The following HELQ variants were observed in gnomAD, a reference collection of about 807,000 sequenced individuals.
HELQ encodes the protein helicase, POLQ like, also known as helicase POLQ-like.
HELQ carries 77 observed loss-of-function variants against 111.6 expected under a neutral mutation model. The ratio of observed to expected loss-of-function variants is 0.69; its 90% CI spans 0.57 to 0.83. The LOEUF is 0.83. Ranked by LOEUF, HELQ falls within the 40% of genes least tolerant of loss-of-function variation. HELQ has a pLI of 0.00. For missense variants in HELQ, 1,200 were observed against 1,288.5 expected (o/e 0.93, Z 1.05); for synonymous variants, 438 against 454.7 (o/e 0.96, Z 0.47).
At chr4:83,438,593 T>A (rs891258641) in intron 8 of HELQ, among the ~76,000 whole-genome samples, 6 of 151,366 alleles carry the variant, frequency 4.0e-5, no homozygotes, top group Admixed American at 3.9e-4. Context: ...TTACAAAAAA[T>A]TAGTTGGGAG....
Position 83,451,535 on chromosome 4 carries a change from G to C in HELQ, c.1012+1696C>G, listed in dbSNP as rs530069214. Among the ~76,000 whole-genome samples, 275 of 152,094 alleles carry C rather than the reference G, an allele frequency of 1.8e-3. 1 individual carries two copies. Among genetic ancestry groups the C allele is most frequent in the Non-Finnish European group, 3.0e-3 (203 of 67,986 alleles). ...AAAAAAATTAGCCGGGCGTGGTGGC[G>C]GGCGCCTGTAGTCCCAGCTACTGGG... On this transcript the variant is annotated intron_variant, in intron 2 of 17. Coordinates refer to ENST00000295488, the MANE Select transcript of HELQ (RefSeq NM_133636.5).
intron 5 of HELQ, 38 bp downstream of exon 5, chr4:83,445,976 A>G: frequency 7.8e-7 from 1 of 1,278,250 alleles, no homozygotes; most frequent in Non-Finnish European, 1.1e-6. Flanking sequence ...TCTCTTGATT[A>G]TAAATCAATT....
chr4:83,446,769 A>T, intron 4 of HELQ, 66 bp downstream of exon 4: 1 of 992,632 alleles, frequency 1.0e-6, no homozygotes, highest in Non-Finnish European at 1.5e-6. Flanking sequence ...AGATCCACAC[A>T]ATAACCAGAA....
chr4:83,453,423 T>C lies in HELQ; in HGVS notation c.820A>G (p.Thr274Ala). The C allele has an allele frequency of 6.2e-7, 1 of 1,603,020 alleles. No homozygotes were observed. The highest frequency in any genetic ancestry group is 8.5e-7 in the Non-Finnish European group (1 of 1,176,502). ...SIKDHLKNAM[T>A]GNAKAQTPIF... ...GGTGTCTGGGCCTTCGCATTTCCAG[T>C]CATGGCATTTTTTAGATGATCTTTA... is the stretch of plus-strand genomic sequence containing the variant. The change falls in exon 2 of 18, where the codon ACT (threonine) becomes GCT (alanine). Residue 274 changes from threonine to alanine, a missense_variant. Coordinates refer to ENST00000295488, the MANE Select transcript of HELQ (RefSeq NM_133636.5).
intron 7 of HELQ, among the ~76,000 whole-genome samples, chr4:83,440,423 TAA>T (rs1720702567): frequency 6.6e-6 from 1 of 152,148 alleles, no homozygotes; most frequent in Non-Finnish European, 1.5e-5. Flanking sequence ...TTACAACCAT[TAA>T]GTTTTCAAAA....
chr4:83,446,653 CTT>C (rs1158831618), intron 4 of HELQ, among the ~76,000 whole-genome samples, 180 bp downstream of exon 4: 1 of 152,164 alleles, frequency 6.6e-6, no homozygotes, highest in Non-Finnish European at 1.5e-5. Flanking sequence ...TCAAGAAACA[CTT>C]GACACAAAAC....
At chr4:83,441,732 G>A (rs1295914801) in intron 6 of HELQ, among the ~76,000 whole-genome samples, 4 of 149,190 alleles carry the variant, frequency 2.7e-5, no homozygotes, top group East Asian at 3.9e-4. Flanking sequence ...TTTTACTAAG[G>A]TATCATCTGT....
rs780495101 is a variant in HELQ at position 83,455,487 on chromosome 4, TGA to T, written c.205_206del (p.Ser69ArgfsTer12). 1.9e-6 allele frequency: 3 copies of T among 1,614,214 alleles called. No homozygotes were observed. The highest frequency in any genetic ancestry group is 2.2e-5 in the East Asian group (1 of 44,882). ...CAAGGACGAGACATTCCGGGGAATC[TGA>T]GAGTAGAAGGGGCTGTACCTCAACC... ...LPVEVQPLLLSDSPECLVLGG... is the reference protein window; with the variant it reads ...LPVEVQPLLLXDSPECLVLGG... On this transcript the variant is annotated frameshift_variant, in exon 1 of 18. Coordinates refer to ENST00000295488, the MANE Select transcript of HELQ (RefSeq NM_133636.5). LOFTEE classifies it high-confidence loss of function.
chr4:83,451,938 G>C (rs1254351492), intron 2 of HELQ, among the ~76,000 whole-genome samples: 2 of 152,144 alleles, frequency 1.3e-5, no homozygotes, highest in Non-Finnish European at 2.9e-5. Context: ...TTCTCTGCAA[G>C]AACCCAAGTT....
intron 8 of HELQ, among the ~76,000 whole-genome samples, chr4:83,438,856 C>A (rs1720607768): frequency 6.6e-6 from 1 of 151,916 alleles, no homozygotes; most frequent in Non-Finnish European, 1.5e-5. Flanking sequence ...CCAGTTGTTC[C>A]TGTCCTTGGC....
chr4:83,423,430 A>C (rs956098656), intron 14 of HELQ, among the ~76,000 whole-genome samples: 2 of 152,230 alleles, frequency 1.3e-5, no homozygotes, highest in Non-Finnish European at 2.9e-5. Flanking sequence ...AAAAGCATTA[A>C]GCTGAAAAAG....
chr4:83,441,514 T>C (rs777885849), intron 6 of HELQ, 111 bp from the exon 7 acceptor site: 33 of 552,406 alleles, frequency 6.0e-5, no homozygotes, highest in Admixed American at 3.2e-4. Flanking sequence ...AGTTTAGCTT[T>C]TCTAAGATAC....
intron 1 of HELQ, 138 bp from the exon 2 acceptor site, chr4:83,454,083 A>C (rs1040760444): frequency 7.7e-6 from 5 of 646,894 alleles, no homozygotes; most frequent in Non-Finnish European, 1.4e-5. Context: ...ATGCTCCTGT[A>C]ATCCCAGCTA....
intron 13 of HELQ, 73 bp from the exon 14 acceptor site, chr4:83,426,165 T>A (rs1719838495): frequency 1.3e-6 from 1 of 750,782 alleles, no homozygotes; most frequent in East Asian, 2.5e-5. Context: ...GTATTTCTTT[T>A]GATATCACAT....
chr4:83,426,003 G>A lies in HELQ; in HGVS notation c.2766C>T (p.Ala922=), dbSNP rs747635107. ...SFIGKKASGQ[A]IGKKVDKNVV... is the part of the protein sequence containing the mutation. ...AAAAAGAATGTGGTACCTTTCCGAT[G>A]GCTTGGCCTGATGCTTTCTTCCCAA... The change falls in exon 14 of 18, where the codon GCC becomes GCT. Residue 922 remains alanine, a synonymous_variant. Coordinates refer to ENST00000295488, the MANE Select transcript of HELQ (RefSeq NM_133636.5). 6.3e-7 allele frequency: 1 copy of A among 1,581,536 alleles called. No homozygotes were observed.
chr4:83,428,455 C>T (rs1052965120), intron 12 of HELQ, among the ~76,000 whole-genome samples: 20 of 151,932 alleles, frequency 1.3e-4, no homozygotes, highest in African/African-American at 4.8e-4. Context: ...CAGCTACTTG[C>T]GGGGCTGAGG....
At chr4:83,430,929 C>T (rs1720108157) in intron 11 of HELQ, among the ~76,000 whole-genome samples, 1 of 152,104 alleles carries the variant, frequency 6.6e-6, no homozygotes, top group African/African-American at 2.4e-5. Flanking sequence ...CCTCTATCTA[C>T]CATCATGTTA....
chr4:83,410,141 A>C (rs923732141), intron 17 of HELQ, among the ~76,000 whole-genome samples: 8 of 152,218 alleles, frequency 5.3e-5, no homozygotes, highest in African/African-American at 1.9e-4. Flanking sequence ...AGTCCCAGCC[A>C]CTCAGGAGGC....
At chr4:83,416,989 A>G (rs995981081) in intron 16 of HELQ, 124 bp from the exon 17 acceptor site, 2 of 830,568 alleles carry the variant, frequency 2.4e-6, no homozygotes, top group African/African-American at 3.5e-5. Flanking sequence ...GTAAATATGA[A>G]GAGACAAGAC....
Sources: allele counts gnomAD v4.1 joint callset (sites outside exome capture counted in the v4.1 genomes callset), GRCh38; gene constraint gnomAD v4.1.1; transcripts MANE v1.5; gene names NCBI Gene and HGNC (gene_info 2026-07-23, HGNC 2026-07-21).